The following KLHL1 variants were observed in gnomAD, a reference collection of about 807,000 sequenced individuals.
The protein encoded by KLHL1 is kelch-like protein 1.
KLHL1 carries 47 observed loss-of-function variants against 77.7 expected under a neutral mutation model. The observed-to-expected ratio is 0.60, with a 90% CI of 0.48 to 0.77. The LOEUF is 0.77. Among genes scored for constraint, KLHL1 ranks in the 30% least tolerant of loss-of-function variants. The pLI is 0.00. For missense variants in KLHL1, 925 were observed against 910.8 expected, an observed-to-expected ratio of 1.02 and a Z score of -0.20; for synonymous variants, 360 against 325.2, an observed-to-expected ratio of 1.11 and a Z score of -1.15.
intron 6 of KLHL1, among the ~76,000 whole-genome samples, chr13:69,808,292 T>C (rs1044980875): frequency 3.3e-5 from 5 of 152,106 alleles, no homozygotes; most frequent in African/African-American, 1.2e-4. Flanking sequence ...CTTTTCTTCC[T>C]TCTCTGTTGC....
intron 3 of KLHL1, among the ~76,000 whole-genome samples, chr13:69,944,090 A>C (rs181939130): frequency 1.3e-5 from 2 of 152,352 alleles, no homozygotes; most frequent in African/African-American, 2.4e-5. Flanking sequence ...TTGAGAACTT[A>C]GATTTCAAGA....
chr13:69,850,786 A>T lies in KLHL1; in HGVS notation c.1228-11624T>A, dbSNP rs1175561707. On this transcript the variant is annotated intron_variant, in intron 5 of 10. Coordinates refer to ENST00000377844, the MANE Select transcript of KLHL1 (RefSeq NM_020866.3). ...AGTATTTCCTAATGTAACTTAAAGCACCTTGTTTAGGCTCATTTGTCACTG... is the reference window on the plus strand; with the variant it reads ...AGTATTTCCTAATGTAACTTAAAGCTCCTTGTTTAGGCTCATTTGTCACTG... Among the ~76,000 whole-genome samples the T allele has an allele frequency of 3.3e-5, 5 of 151,690 alleles. No individual in the cohort carries two copies. The East Asian group carries it at 9.8e-4, about 30-fold the overall frequency.
chr13:69,808,193 C>T (rs1250712864), intron 6 of KLHL1, among the ~76,000 whole-genome samples: 2 of 152,074 alleles, frequency 1.3e-5, no homozygotes, highest in African/African-American at 4.8e-5. Context: ...CCCACTGGGC[C>T]CAGGAAGTGT....
At chr13:69,826,667 A>G (rs1409430653) in intron 6 of KLHL1, among the ~76,000 whole-genome samples, 2 of 152,156 alleles carry the variant, frequency 1.3e-5, no homozygotes, top group African/African-American at 4.8e-5. Flanking sequence ...TATGTTAATT[A>G]TCTTGATTGA....
At chr13:69,895,405 C>G (rs1881596254) in intron 4 of KLHL1, among the ~76,000 whole-genome samples, 1 of 152,172 alleles carries the variant, frequency 6.6e-6, no homozygotes, top group Non-Finnish European at 1.5e-5. Flanking sequence ...TGGTGCGTCT[C>G]TCACAGAAGC....
At chr13:69,957,965 A>C (rs17085818) in intron 3 of KLHL1, among the ~76,000 whole-genome samples, 21,036 of 151,766 alleles carry the variant, frequency 0.14, 2,395 homozygotes, top group African/African-American at 0.29. Flanking sequence ...GAAAAACTGA[A>C]CTTATGTTGT....
intron 7 of KLHL1, among the ~76,000 whole-genome samples, chr13:69,761,784 C>A (rs978452536): frequency 6.6e-6 from 1 of 152,098 alleles, no homozygotes; most frequent in Non-Finnish European, 1.5e-5. Context: ...CAATGGCTGC[C>A]TGGTTTTTCC....
At chr13:70,098,396 A>G (rs1887843754) in intron 1 of KLHL1, among the ~76,000 whole-genome samples, 1 of 151,822 alleles carries the variant, frequency 6.6e-6, no homozygotes. Flanking sequence ...AAACAGCAAA[A>G]ATTTATTTGA....
intron 6 of KLHL1, among the ~76,000 whole-genome samples, chr13:69,826,176 G>A (rs533195379): frequency 6.6e-6 from 1 of 152,184 alleles, no homozygotes; most frequent in South Asian, 2.1e-4. Flanking sequence ...AGAATCTAGT[G>A]GTGAAGACTG....
intron 4 of KLHL1, among the ~76,000 whole-genome samples, chr13:69,907,782 T>C (rs987944472): frequency 7.2e-5 from 11 of 152,024 alleles, no homozygotes; most frequent in Admixed American, 3.3e-4. Flanking sequence ...GATTTTTAAA[T>C]AGGACAATGA....
At chr13:69,723,318 G>A (rs1873152401) in intron 8 of KLHL1, among the ~76,000 whole-genome samples, 1 of 152,040 alleles carries the variant, frequency 6.6e-6, no homozygotes, top group South Asian at 2.1e-4. Context: ...CTAGAAGAGA[G>A]GATTTGAATG....
intron 6 of KLHL1, among the ~76,000 whole-genome samples, chr13:69,809,818 G>C (rs938244368): frequency 2.0e-5 from 3 of 151,626 alleles, no homozygotes; most frequent in African/African-American, 7.3e-5. Context: ...CATCTGATGT[G>C]TAATGAGAGC....
chr13:69,797,827 TA>T (rs35332261), intron 6 of KLHL1, among the ~76,000 whole-genome samples: 3,031 of 130,620 alleles, frequency 0.023, 91 homozygotes, highest in African/African-American at 0.069. Flanking sequence ...AGACTCCATC[TA>T]AAAAAAAAAA....
At chr13:69,834,101 G>C (rs1400457846) in intron 6 of KLHL1, among the ~76,000 whole-genome samples, 2 of 151,786 alleles carry the variant, frequency 1.3e-5, no homozygotes, top group Non-Finnish European at 2.9e-5. Flanking sequence ...TGAAAGAGTG[G>C]AGGTTGAGGG....
At chr13:69,786,787 C>T (rs1240170076) in intron 7 of KLHL1, among the ~76,000 whole-genome samples, 2 of 152,184 alleles carry the variant, frequency 1.3e-5, no homozygotes, top group Non-Finnish European at 2.9e-5. Context: ...TCTCCTTAAG[C>T]TGATAAGCAA....
chr13:69,792,103 T>C (rs1291068648), intron 7 of KLHL1, among the ~76,000 whole-genome samples: 1 of 152,088 alleles, frequency 6.6e-6, no homozygotes, highest in East Asian at 1.9e-4. Context: ...CCTACACATG[T>C]ACTCCAGAAC....
intron 1 of KLHL1, among the ~76,000 whole-genome samples, chr13:70,008,408 A>G (rs1334852897): frequency 6.6e-6 from 1 of 152,098 alleles, no homozygotes; most frequent in Non-Finnish European, 1.5e-5. Flanking sequence ...TTGTCATTCT[A>G]TGAACATATA....
Position 69,796,808 on chromosome 13 carries a change from AAC to A in KLHL1, c.1567_1568del (p.Val523Ter). On this transcript the variant is annotated frameshift_variant, in exon 7 of 11. Coordinates refer to ENST00000377844, the MANE Select transcript of KLHL1 (RefSeq NM_020866.3). LOFTEE classifies it high-confidence loss of function. ...TCTTGGTTTTGGGATTGTAACATTC[AAC>A]AGTGTTCAATGTCTTTAAGCCATCT... ...GRDGLKTLNT[V>X]ECYNPKTKTW... 1.2e-6 allele frequency: 2 copies of A among 1,614,168 alleles called. No individual in the cohort carries two copies. The highest frequency in any genetic ancestry group is 1.7e-6 in the Non-Finnish European group (2 of 1,180,004).
At position 70,107,253 on chromosome 13, in the gene KLHL1, T is replaced by A; in HGVS notation, c.447A>T (p.Lys149Asn). The A allele has an allele frequency of 1.2e-6, 2 of 1,614,030 alleles. No individual in the cohort carries two copies. Among genetic ancestry groups the A allele is most frequent in the Non-Finnish European group, 1.7e-6 (2 of 1,179,948 alleles). The change falls in exon 1 of 11, where the codon AAA (lysine) becomes AAT (asparagine). Residue 149 changes from lysine (K) to asparagine (N), a missense_variant. Physicochemically the swap from Lys to Asn is moderately conservative, Grantham distance 94. Coordinates refer to ENST00000377844, the MANE Select transcript of KLHL1 (RefSeq NM_020866.3). ...HEKGLVLQEL[K>N]VEPDNSSQAT... is the part of the protein sequence containing the mutation. ...CCTGGCTAGAGTTGTCTGGCTCCACTTTGAGCTCTTGCAGAACCAGCCCTT... is the reference window on the plus strand; with the variant it reads ...CCTGGCTAGAGTTGTCTGGCTCCACATTGAGCTCTTGCAGAACCAGCCCTT...
Sources: gnomAD v4.1 joint callset for allele counts (sites outside exome capture counted in the v4.1 genomes callset) on GRCh38, gnomAD v4.1.1 for gene constraint, MANE v1.5 for transcripts, NCBI Gene and HGNC (gene_info 2026-07-23, HGNC 2026-07-21) for gene names.